The following APBB2 variants were observed in gnomAD, a reference collection of about 807,000 sequenced individuals.
APBB2 encodes the protein amyloid beta precursor protein binding family B member 2.
In APBB2, 38 loss-of-function variants were observed where a neutral mutation model predicts 82.5. The observed-to-expected ratio is 0.46, with a 90% CI of 0.36 to 0.60. The LOEUF (loss-of-function observed/expected upper bound fraction) is 0.60. Among genes scored for constraint, APBB2 ranks in the 20% least tolerant of loss-of-function variants. APBB2 has a pLI of 0.00. For missense variants in APBB2, 772 were observed against 972.3 expected, an observed-to-expected ratio of 0.79 and a Z score of 2.74; for synonymous variants, 341 against 368.2, an observed-to-expected ratio of 0.93 and a Z score of 0.85.
intron 10 of APBB2, among the ~76,000 whole-genome samples, chr4:40,908,900 G>A (rs555892579): frequency 1.3e-5 from 2 of 152,308 alleles, no homozygotes; most frequent in Admixed American, 6.5e-5. Context: ...CAGATCACTG[G>A]AGGCAAGGAG....
At chr4:41,033,332 T>G in intron 4 of APBB2, 28 bp from the exon 5 acceptor site, 1 of 1,384,938 alleles carries the variant, frequency 7.2e-7, no homozygotes. Flanking sequence ...TTTGAGAAAT[T>G]AAAACTCCAA....
intron 2 of APBB2, among the ~76,000 whole-genome samples, chr4:41,125,545 A>AT (rs1754135911): frequency 1.3e-5 from 2 of 152,194 alleles, no homozygotes. Context: ...AAAAAACAAA[A>AT]TTTACTATAA....
intron 6 of APBB2, among the ~76,000 whole-genome samples, chr4:40,948,890 CAAAAAAAAAAA>C (rs59172492): frequency 0.04 from 4,117 of 101,684 alleles, 222 homozygotes; most frequent in African/African-American, 0.14. Context: ...ATCCTGTCTC[CAAAAAAAAAAA>C]AAAAAAAAAA....
At chr4:40,991,151 TTTG>T (rs1801944302) in intron 6 of APBB2, among the ~76,000 whole-genome samples, 1 of 149,682 alleles carries the variant, frequency 6.7e-6, no homozygotes, top group Non-Finnish European at 1.5e-5. Context: ...CATGGCTAAT[TTTG>T]TTGTGTGTGT....
chr4:41,184,160 G>T (rs937649058), intron 1 of APBB2, among the ~76,000 whole-genome samples: 1 of 152,106 alleles, frequency 6.6e-6, no homozygotes, highest in African/African-American at 2.4e-5. Context: ...AGCTCAGGTG[G>T]TAATGAGAGC....
chr4:41,121,271 G>A (rs1349257924), intron 2 of APBB2, among the ~76,000 whole-genome samples: 1 of 152,170 alleles, frequency 6.6e-6, no homozygotes, highest in East Asian at 1.9e-4. Flanking sequence ...TAACATACGT[G>A]CTTTGAATTT....
At chr4:40,935,351 TA>T (rs1266062498) in intron 7 of APBB2, 1 of 508,520 alleles carries the variant, frequency 2.0e-6, no homozygotes, top group African/African-American at 2.0e-5. Context: ...GATGGTGCTT[TA>T]ATTACTTACC....
chr4:40,840,408 G>C (rs1755413841), intron 12 of APBB2, among the ~76,000 whole-genome samples: 1 of 152,152 alleles, frequency 6.6e-6, no homozygotes, highest in Non-Finnish European at 1.5e-5. Context: ...GGAGGAATCA[G>C]GAAGCGAAAG....
At chr4:40,925,656 T>C (rs1348600731) in intron 10 of APBB2, among the ~76,000 whole-genome samples, 1 of 152,206 alleles carries the variant, frequency 6.6e-6, no homozygotes, top group Non-Finnish European at 1.5e-5. Flanking sequence ...AAATCAATTA[T>C]AAGAACTACA....
intron 3 of APBB2, among the ~76,000 whole-genome samples, chr4:41,077,398 G>C (rs1736025529): frequency 6.6e-6 from 1 of 151,916 alleles, no homozygotes; most frequent in South Asian, 2.1e-4. Context: ...AAAGAGAACA[G>C]TCTTCACAAT....
At chr4:41,182,696 C>A (rs1025038409) in intron 1 of APBB2, among the ~76,000 whole-genome samples, 3 of 152,122 alleles carry the variant, frequency 2.0e-5, no homozygotes, top group African/African-American at 7.2e-5. Context: ...AGGAAACTTA[C>A]AATCATGGCA....
chr4:40,982,695 G>C lies in APBB2; in HGVS notation c.835+30888C>G, dbSNP rs146771242. Among the ~76,000 whole-genome samples, 963 of 152,092 alleles carry C rather than the reference G, an allele frequency of 6.3e-3. 13 individuals are homozygous for C. The highest frequency in any genetic ancestry group is 0.022 in the African/African-American group (904 of 41,456). On this transcript the variant is annotated intron_variant, in intron 6 of 17. Coordinates refer to ENST00000508593, the MANE Select transcript of APBB2 (RefSeq NM_004307.2). ...AGTCCCAGCTACTTGTGAGGCTGAG[G>C]CGGGAGGATCACTTGAGCCTGGGAA...
chr4:41,209,213 A>G lies in APBB2; in HGVS notation c.-417+5192T>C, dbSNP rs546796454. On this transcript the variant is annotated intron_variant, in intron 1 of 17. Coordinates refer to ENST00000508593, the MANE Select transcript of APBB2 (RefSeq NM_004307.2). ...TTAAAAATTATTTCAATGGGATAAC[A>G]ACTCCTCACTGACTCACTTAAAGGT... is the stretch of plus-strand genomic sequence containing the variant. Among the ~76,000 whole-genome samples the G allele has an allele frequency of 1.1e-3, 163 of 152,284 alleles. 1 individual carries two copies. The highest frequency in any genetic ancestry group is 2.2e-3 in the Non-Finnish European group (148 of 68,010).
At chr4:40,866,584 G>A (rs1175552074) in intron 12 of APBB2, among the ~76,000 whole-genome samples, 2 of 152,054 alleles carry the variant, frequency 1.3e-5, no homozygotes, top group African/African-American at 2.4e-5. Flanking sequence ...AACTGAGGCC[G>A]ATATAATTTT....
chr4:40,875,803 A>C (rs1766736767), intron 12 of APBB2, among the ~76,000 whole-genome samples: 1 of 147,576 alleles, frequency 6.8e-6, no homozygotes. Context: ...CTTTCTGCTA[A>C]GAAAAAAAAA....
chr4:41,033,135 T>C (rs1436928905), intron 5 of APBB2, 101 bp downstream of exon 5: 13 of 839,284 alleles, frequency 1.5e-5, no homozygotes, highest in Non-Finnish European at 2.5e-5. Context: ...AAAAAACATG[T>C]TATTTTAGCA....
chr4:41,032,754 G>A (rs1192514204), intron 5 of APBB2, among the ~76,000 whole-genome samples: 13 of 137,742 alleles, frequency 9.4e-5, no homozygotes, highest in African/African-American at 3.1e-4. Flanking sequence ...TCTTGTACTT[G>A]ATTTTAAAGA....
intron 6 of APBB2, among the ~76,000 whole-genome samples, chr4:40,983,143 C>T (rs1799558185): frequency 6.6e-6 from 1 of 152,178 alleles, no homozygotes; most frequent in African/African-American, 2.4e-5. Context: ...TCAAAATTCG[C>T]CATTTCACAG....
intron 4 of APBB2, among the ~76,000 whole-genome samples, chr4:41,046,373 T>G (rs1170396921): frequency 6.6e-6 from 1 of 152,238 alleles, no homozygotes; most frequent in Non-Finnish European, 1.5e-5. Flanking sequence ...GAGCCTGCAA[T>G]TCATGGAACA....
Sources: gnomAD v4.1 joint callset for allele counts (sites outside exome capture counted in the v4.1 genomes callset) on GRCh38, gnomAD v4.1.1 for gene constraint, MANE v1.5 for transcripts, NCBI Gene and HGNC (gene_info 2026-07-23, HGNC 2026-07-21) for gene names.